The following INSL6 variants were observed in gnomAD, a reference collection of about 807,000 sequenced individuals.
INSL6 encodes insulin like 6.
Under a neutral mutation model 9.4 loss-of-function variants are expected in INSL6, and 16 were observed. The ratio of observed to expected loss-of-function variants is 1.70; its 90% CI spans 1.15 to 2.59. The LOEUF (loss-of-function observed/expected upper bound fraction) is 2.59. Ranked by LOEUF, INSL6 falls within the 30% of genes most tolerant of loss-of-function variation. The pLI is 0.00. For missense variants in INSL6, 391 were observed against 257.3 expected (o/e 1.52, Z -3.56); for synonymous variants, 154 against 96.9 (o/e 1.59, Z -3.46).
At chr9:5,138,135 G>A (rs748671955) in intron 2 of INSL6, among the ~76,000 whole-genome samples, 7 of 152,214 alleles carry the variant, frequency 4.6e-5, no homozygotes, top group Non-Finnish European at 1.0e-4. Context: ...CTGTTGGTGG[G>A]AGTGTAAATT....
chr9:5,160,555 G>A (rs1824904886), downstream of INSL6, among the ~76,000 whole-genome samples: 1 of 151,964 alleles, frequency 6.6e-6, no homozygotes, highest in South Asian at 2.1e-4. Context: ...AAAAGCAAGA[G>A]CAAGCCAAAC....
At chr9:5,005,243 C>T in the INSL6 span, among the ~76,000 whole-genome samples, 9 of 151,456 alleles carry the variant, frequency 5.9e-5, no homozygotes, top group South Asian at 1.9e-3. Context: ...AGCCACTGCA[C>T]CCAGTCTGTA....
the INSL6 span, chr9:5,112,836 C>A: frequency 1.8e-6 from 1 of 558,282 alleles, no homozygotes. Flanking sequence ...CACAACCCCG[C>A]TGGGCACGTG....
At chr9:5,173,689 A>G (rs530334636) in intron 1 of INSL6, among the ~76,000 whole-genome samples, 1 of 152,136 alleles carries the variant, frequency 6.6e-6, no homozygotes, top group East Asian at 1.9e-4. Context: ...ATGGGTTGAC[A>G]GGCACAGCAA....
the INSL6 span, among the ~76,000 whole-genome samples, chr9:5,103,218 A>G: frequency 8.5e-6 from 1 of 117,218 alleles, no homozygotes; most frequent in South Asian, 3.1e-4. Context: ...AGCAAAGGGA[A>G]AGCAAAAAAA....
At chr9:5,178,786 G>A (rs745828656) in intron 1 of INSL6, among the ~76,000 whole-genome samples, 1 of 152,116 alleles carries the variant, frequency 6.6e-6, no homozygotes, top group Non-Finnish European at 1.5e-5. Context: ...TTATTAAATG[G>A]TGCTGGAAGA....
At chr9:5,039,818 T>C in the INSL6 span, among the ~76,000 whole-genome samples, 1 of 152,080 alleles carries the variant, frequency 6.6e-6, no homozygotes, top group African/African-American at 2.4e-5. Flanking sequence ...TGAAAGAAAT[T>C]AAGGAAACAC....
At chr9:5,073,977 A>C in the INSL6 span, among the ~76,000 whole-genome samples, 4 of 152,210 alleles carry the variant, frequency 2.6e-5, no homozygotes, top group Admixed American at 2.6e-4. Context: ...CAATGAAGTT[A>C]AAAGTAGAAG....
intron 1 of INSL6, among the ~76,000 whole-genome samples, chr9:5,165,841 C>T (rs1234284923): frequency 6.6e-6 from 1 of 152,156 alleles, no homozygotes; most frequent in East Asian, 1.9e-4. Flanking sequence ...TGCTCATCTA[C>T]AGTACCTTCT....
At chr9:5,083,352 T>C in the INSL6 span, among the ~76,000 whole-genome samples, 2 of 152,174 alleles carry the variant, frequency 1.3e-5, no homozygotes. Flanking sequence ...GGTCCAACCA[T>C]AGTGGTAAGC....
the INSL6 span, among the ~76,000 whole-genome samples, chr9:5,013,556 G>C: frequency 6.6e-6 from 1 of 152,160 alleles, no homozygotes; most frequent in Non-Finnish European, 1.5e-5. Context: ...AGCCAAACTT[G>C]TCTCTACTTT....
At chr9:5,046,687 G>A in the INSL6 span, among the ~76,000 whole-genome samples, 1 of 152,090 alleles carries the variant, frequency 6.6e-6, no homozygotes, top group Non-Finnish European at 1.5e-5. Context: ...CACCTTTGTT[G>A]AAAATCATTT....
At chr9:5,170,805 C>T (rs767592256) in intron 1 of INSL6, among the ~76,000 whole-genome samples, 20 of 152,112 alleles carry the variant, frequency 1.3e-4, no homozygotes, top group Non-Finnish European at 2.1e-4. Flanking sequence ...AGTTGAATCC[C>T]TGAATAGACT....
chr9:5,111,050 G>A, the INSL6 span: 8 of 1,016,814 alleles, frequency 7.9e-6, 1 homozygote, highest in Admixed American at 1.2e-4. Context: ...CAATTCAGAG[G>A]TTCAGGTCTT....
the INSL6 span, among the ~76,000 whole-genome samples, chr9:5,105,680 G>A: frequency 6.6e-6 from 1 of 152,184 alleles, no homozygotes; most frequent in Non-Finnish European, 1.5e-5. Flanking sequence ...CAAGGCTACC[G>A]TAACCAAAAC....
the INSL6 span, among the ~76,000 whole-genome samples, chr9:5,086,394 G>A: frequency 6.6e-6 from 1 of 152,144 alleles, no homozygotes; most frequent in African/African-American, 2.4e-5. Context: ...TGCAGATATG[G>A]GATTCAGAGA....
chr9:5,010,696 G>A, the INSL6 span, among the ~76,000 whole-genome samples: 1 of 152,066 alleles, frequency 6.6e-6, no homozygotes, highest in Non-Finnish European at 1.5e-5. Context: ...CTATTTTTGA[G>A]CTCTTCATTC....
At chr9:5,160,771 C>T (rs144917588), downstream of INSL6, among the ~76,000 whole-genome samples, 1,756 of 151,992 alleles carry the variant, frequency 0.012, 26 homozygotes, top group African/African-American at 0.04. Flanking sequence ...ACAACTGATA[C>T]GCAGAAATTA....
chr9:5,064,789 A>T, the INSL6 span: 1 of 907,148 alleles, frequency 1.1e-6, no homozygotes, highest in Non-Finnish European at 1.6e-6. Flanking sequence ...TTTAGAAGAA[A>T]ATTGTATTTA....
Sources: allele counts gnomAD v4.1 joint callset (sites outside exome capture counted in the v4.1 genomes callset), GRCh38; gene constraint gnomAD v4.1.1; transcripts MANE v1.5; gene names NCBI Gene and HGNC (gene_info 2026-07-23, HGNC 2026-07-21).